The following ANO3 variants were observed in gnomAD, a reference collection of about 807,000 sequenced individuals.
ANO3 encodes anoctamin-3.
A neutral mutation model predicts 144.8 loss-of-function variants in ANO3; 99 were observed. The observed-to-expected ratio is 0.68, with a 90% CI of 0.58 to 0.81. ANO3 has a LOEUF of 0.81. Among genes scored for constraint, ANO3 ranks in the 30% least tolerant of loss-of-function variants. The pLI is 0.00. For missense variants in ANO3, 905 were observed against 1,202.2 expected (o/e 0.75, Z 3.66); for synonymous variants, 414 against 392.6 (o/e 1.05, Z -0.64).
intron 1 of ANO3, among the ~76,000 whole-genome samples, chr11:26,190,830 C>T (rs1851460581): frequency 6.6e-6 from 1 of 152,168 alleles, no homozygotes; most frequent in African/African-American, 2.4e-5. Context: ...CTGGCTATGC[C>T]TCAAACTCAA....
At chr11:26,342,701 C>G (rs1435797372) in intron 1 of ANO3, among the ~76,000 whole-genome samples, 1 of 152,134 alleles carries the variant, frequency 6.6e-6, no homozygotes, top group East Asian at 1.9e-4. Context: ...CCAGTAGTTC[C>G]CGTACTCACT....
intron 1 of ANO3, among the ~76,000 whole-genome samples, chr11:26,274,915 G>A (rs1237353208): frequency 1.3e-5 from 2 of 151,916 alleles, no homozygotes; most frequent in African/African-American, 4.8e-5. Flanking sequence ...GAGAAATGTA[G>A]GGGAAGAGAA....
chr11:26,520,920 AAATTGT>A (rs2134159503), intron 6 of ANO3, among the ~76,000 whole-genome samples: 1 of 152,282 alleles, frequency 6.6e-6, no homozygotes, highest in South Asian at 2.1e-4. Context: ...AGGCAGTTAT[AAATTGT>A]ATAGCCTTTT....
At chr11:26,195,683 G>C (rs1032499811) in intron 1 of ANO3, among the ~76,000 whole-genome samples, 1 of 152,128 alleles carries the variant, frequency 6.6e-6, no homozygotes, top group South Asian at 2.1e-4. Flanking sequence ...AGACATAAAG[G>C]TCAGCCTATA....
intron 14 of ANO3, among the ~76,000 whole-genome samples, chr11:26,591,081 CT>C (rs1851436299): frequency 6.6e-6 from 1 of 152,146 alleles, no homozygotes; most frequent in African/African-American, 2.4e-5. Flanking sequence ...GTCCTCTTTA[CT>C]ACCTAATTGG....
intron 1 of ANO3, among the ~76,000 whole-genome samples, chr11:26,249,088 A>G (rs756327158): frequency 2.0e-5 from 3 of 152,158 alleles, no homozygotes; most frequent in Non-Finnish European, 4.4e-5. Flanking sequence ...TGTAACTATA[A>G]CAAGCAAAGA....
In ANO3 at chr11:26,598,357, T is replaced by A; in HGVS notation, c.1448-8T>A. On this transcript the variant is annotated splice_region_variant and splice_polypyrimidine_tract_variant and intron_variant, in intron 14 of 26. Transcript: ENST00000256737. Reference sequence around the variant, plus strand: ...TGGGTAAAGAATTATCATTTTTATATTTTATAGCCACAGTCTTCCTGGAGT... The same window carrying A: ...TGGGTAAAGAATTATCATTTTTATAATTTATAGCCACAGTCTTCCTGGAGT... 1 of 1,491,360 alleles carries A rather than the reference T, an allele frequency of 6.7e-7. No homozygotes were observed. 92.4% of individuals were successfully genotyped at this position (1,491,360 alleles called of 1,614,324 possible).
intron 11 of ANO3, among the ~76,000 whole-genome samples, chr11:26,544,596 T>G (rs966856995): frequency 1.4e-5 from 2 of 145,936 alleles, no homozygotes; most frequent in East Asian, 4.1e-4. Context: ...TAAATGTTCT[T>G]ACCATAAAAT....
intron 17 of ANO3, among the ~76,000 whole-genome samples, chr11:26,605,097 C>A (rs1851900275): frequency 6.6e-6 from 1 of 152,118 alleles, no homozygotes; most frequent in Admixed American, 6.5e-5. Flanking sequence ...CCATCAGTAC[C>A]TATTTTATTG....
chr11:26,558,868 T>G (rs1417440331), intron 13 of ANO3, among the ~76,000 whole-genome samples: 1 of 152,082 alleles, frequency 6.6e-6, no homozygotes, highest in Non-Finnish European at 1.5e-5. Flanking sequence ...CTTTAACCCA[T>G]GATTGTCCTC....
intron 1 of ANO3, among the ~76,000 whole-genome samples, chr11:26,303,166 A>G (rs1854276693): frequency 6.6e-6 from 1 of 152,232 alleles, no homozygotes; most frequent in African/African-American, 2.4e-5. Flanking sequence ...CAGAACCACC[A>G]TTTGACCCAG....
chr11:26,392,442 T>C lies in ANO3; in HGVS notation c.47-49476T>C, dbSNP rs185262176. ...CTGTGGTATAAATTGTGGAAGGCTT[T>C]GAATTAATATGACCTGTACCTTTTT... is the stretch of plus-strand genomic sequence containing the variant. On this transcript the variant is annotated intron_variant, in intron 1 of 26. Coordinates refer to ENST00000256737, the MANE Select transcript of ANO3 (RefSeq NM_031418.4). Among the ~76,000 whole-genome samples, 23 of 152,190 alleles carry C rather than the reference T, an allele frequency of 1.5e-4. No homozygotes were observed. The East Asian group carries it at 4.4e-3, about 29-fold the overall frequency.
At position 26,262,743 on chromosome 11, in the gene ANO3, G is replaced by C. The variant is rs551055116; in HGVS notation, c.155-46902G>C. ...AAACACACACACACACACACACAGA[G>C]AGAGAGAGAGAGAGAGATTCTCTTT... On this transcript the variant is annotated intron_variant, in intron 1 of 27. Coordinates refer to the ANO3 transcript ENST00000672621. 8.9e-5 allele frequency among the ~76,000 whole-genome samples: 13 copies of C among 146,056 alleles called. No homozygotes were observed. The East Asian group carries it at 9.5e-4, about 11-fold the overall frequency.
chr11:26,431,592 C>A (rs1046449207), intron 1 of ANO3, among the ~76,000 whole-genome samples: 4 of 152,122 alleles, frequency 2.6e-5, no homozygotes, highest in Admixed American at 6.5e-5. Flanking sequence ...GCGTCTGTTC[C>A]CTTCTATATG....
intron 17 of ANO3, among the ~76,000 whole-genome samples, chr11:26,618,558 G>C (rs10835023): frequency 0.29 from 43,973 of 151,994 alleles, 6,722 homozygotes; most frequent in South Asian, 0.46. Context: ...TGTGCTTGAG[G>C]CTGTTTAATG....
chr11:26,360,298 A>G (rs1309549562), intron 1 of ANO3, among the ~76,000 whole-genome samples: 1 of 150,496 alleles, frequency 6.6e-6, no homozygotes, highest in Admixed American at 6.7e-5. Context: ...TCATGGATCC[A>G]TGGCTGAACT....
intron 1 of ANO3, among the ~76,000 whole-genome samples, chr11:26,333,500 C>T (rs146276768): frequency 0.01 from 1,590 of 152,000 alleles, 21 homozygotes; most frequent in African/African-American, 0.032. Flanking sequence ...GCCAGGATGG[C>T]CTCCATCTCC....
At chr11:26,485,775 T>C (rs1228586838) in intron 4 of ANO3, among the ~76,000 whole-genome samples, 3 of 152,152 alleles carry the variant, frequency 2.0e-5, no homozygotes, top group Non-Finnish European at 4.4e-5. Context: ...GGGAAAAATC[T>C]TCTTGACATT....
At chr11:26,239,552 G>T (rs1324585789) in intron 1 of ANO3, among the ~76,000 whole-genome samples, 1 of 152,136 alleles carries the variant, frequency 6.6e-6, no homozygotes, top group Admixed American at 6.5e-5. Context: ...TCTCAACAAA[G>T]AGATTTTTCC....
Sources: gnomAD v4.1 joint callset for allele counts (sites outside exome capture counted in the v4.1 genomes callset) on GRCh38, gnomAD v4.1.1 for gene constraint, MANE v1.5 for transcripts, NCBI Gene and HGNC (gene_info 2026-07-23, HGNC 2026-07-21) for gene names.